Variants in XKR6 observed in about 807,000 individuals in gnomAD.
XKR6 encodes XK-related protein 6.
XKR6 carries 22 observed loss-of-function variants against 56.7 expected under a neutral mutation model. That is an observed-to-expected ratio of 0.39 (90% CI 0.28 to 0.55). The LOEUF is 0.55. Ranked by LOEUF, XKR6 falls within the 20% of genes least tolerant of loss-of-function variation. XKR6 has a pLI of 0.66. For synonymous variants in XKR6, 524 were observed against 387.8 expected, an observed-to-expected ratio of 1.35 and a Z score of -4.13; for missense variants, 852 against 889.0, an observed-to-expected ratio of 0.96 and a Z score of 0.53.
chr8:11,110,215 A>C (rs963352693), intron 1 of XKR6, among the ~76,000 whole-genome samples: 1 of 152,134 alleles, frequency 6.6e-6, no homozygotes, highest in East Asian at 1.9e-4. Flanking sequence ...TCAAGTGCTC[A>C]GCCCACCTTG....
intron 1 of XKR6, among the ~76,000 whole-genome samples, chr8:10,960,806 G>C (rs886473803): frequency 6.6e-6 from 1 of 152,198 alleles, no homozygotes; most frequent in Non-Finnish European, 1.5e-5. Flanking sequence ...CACACACAGC[G>C]TAAGGGCCTG....
intron 1 of XKR6, among the ~76,000 whole-genome samples, chr8:11,028,510 C>A (rs1314581020): frequency 6.6e-6 from 1 of 152,152 alleles, no homozygotes; most frequent in Non-Finnish European, 1.5e-5. Flanking sequence ...TAGTTTTGTA[C>A]AAAACCACCA....
At chr8:10,903,425 G>A (rs1286534230) in intron 2 of XKR6, among the ~76,000 whole-genome samples, 3 of 152,090 alleles carry the variant, frequency 2.0e-5, no homozygotes, top group East Asian at 1.9e-4. Context: ...TGGTTGTCCC[G>A]GAGAACTTGG....
chr8:11,094,683 A>C lies in XKR6; in HGVS notation c.764+105893T>G, dbSNP rs1461028119. Among the ~76,000 whole-genome samples, 3 of 152,130 alleles carry C rather than the reference A, an allele frequency of 2.0e-5. No homozygotes were observed. The East Asian group carries it at 5.8e-4, about 29-fold the overall frequency. On this transcript the variant is annotated intron_variant, in intron 1 of 2. Coordinates refer to ENST00000416569, the MANE Select transcript of XKR6 (RefSeq NM_173683.4). ...GAGTGGTTACTAGCAGCCAGACACT[A>C]GGCAGATGACCACACCTATCATCCT...
At chr8:11,119,714 T>C (rs1367183668) in intron 1 of XKR6, among the ~76,000 whole-genome samples, 1 of 152,120 alleles carries the variant, frequency 6.6e-6, no homozygotes, top group African/African-American at 2.4e-5. Context: ...GCACGTGAGA[T>C]GGGTTTCCTG....
At chr8:11,081,770 G>C (rs1797730384) in intron 1 of XKR6, among the ~76,000 whole-genome samples, 1 of 152,198 alleles carries the variant, frequency 6.6e-6, no homozygotes, top group Admixed American at 6.5e-5. Flanking sequence ...ATGGGCACTA[G>C]TCAGTCAGAG....
intron 1 of XKR6, among the ~76,000 whole-genome samples, chr8:11,054,405 G>C (rs956995050): frequency 4.6e-5 from 7 of 152,220 alleles, no homozygotes; most frequent in African/African-American, 1.7e-4. Context: ...ATCTGTCCAT[G>C]TACCGGTGTT....
chr8:11,174,608 C>G (rs1473128495), intron 1 of XKR6, among the ~76,000 whole-genome samples: 1 of 152,200 alleles, frequency 6.6e-6, no homozygotes, highest in African/African-American at 2.4e-5. Context: ...ACATTCTGTT[C>G]TTTCCTGTGA....
chr8:11,004,625 C>A (rs10903336), intron 1 of XKR6, among the ~76,000 whole-genome samples: 2,054 of 152,290 alleles, frequency 0.013, 48 homozygotes, highest in African/African-American at 0.046. Flanking sequence ...TGTTGCTCAT[C>A]CACAGTGGAA....
intron 1 of XKR6, among the ~76,000 whole-genome samples, chr8:10,955,940 G>T (rs1167060489): frequency 2.0e-5 from 3 of 152,210 alleles, no homozygotes; most frequent in Non-Finnish European, 4.4e-5. Context: ...GTTGCCCTGG[G>T]CTTCAGGGCC....
intron 1 of XKR6, among the ~76,000 whole-genome samples, chr8:11,152,557 C>T (rs1412733886): frequency 6.6e-6 from 1 of 152,146 alleles, no homozygotes; most frequent in Non-Finnish European, 1.5e-5. Context: ...GATGTCTTGC[C>T]CCTGAAGAAC....
chr8:11,015,071 A>C (rs1798587262), intron 1 of XKR6, among the ~76,000 whole-genome samples: 1 of 152,176 alleles, frequency 6.6e-6, no homozygotes, highest in Non-Finnish European at 1.5e-5. Context: ...GAACAGACAA[A>C]ACTCATCTAC....
chr8:11,121,341 GA>G (rs1177314806), intron 1 of XKR6, among the ~76,000 whole-genome samples: 11 of 151,922 alleles, frequency 7.2e-5, no homozygotes, highest in African/African-American at 2.4e-4. Context: ...AAATTTACAA[GA>G]AAAAAACAAA....
chr8:11,106,244 G>GA (rs1798671785), intron 1 of XKR6: 2 of 152,162 alleles, frequency 1.3e-5, no homozygotes, highest in African/African-American at 4.8e-5. Flanking sequence ...ATTTTTTGAT[G>GA]AATCTTGCTT....
intron 1 of XKR6, among the ~76,000 whole-genome samples, chr8:11,042,523 C>A (rs1313493574): frequency 6.6e-6 from 1 of 152,196 alleles, no homozygotes; most frequent in African/African-American, 2.4e-5. Flanking sequence ...TCCTTCTTTG[C>A]CTTCTGCCAT....
chr8:11,113,932 G>C (rs1051369461), intron 1 of XKR6: 3 of 297,734 alleles, frequency 1.0e-5, no homozygotes, highest in Non-Finnish European at 1.3e-5. Context: ...GGGCAGCACA[G>C]ACACGGAAAC....
intron 2 of XKR6, among the ~76,000 whole-genome samples, chr8:10,904,219 C>T (rs1268731608): frequency 1.3e-5 from 2 of 152,180 alleles, no homozygotes; most frequent in Non-Finnish European, 1.5e-5. Context: ...TGGCAGCATG[C>T]CCACTGCGCT....
At chr8:11,198,940 A>C (rs905741097) in intron 1 of XKR6, among the ~76,000 whole-genome samples, 3 of 151,902 alleles carry the variant, frequency 2.0e-5, no homozygotes, top group Non-Finnish European at 2.9e-5. Flanking sequence ...AGGTATCTCC[A>C]ATACCAAACA....
At chr8:11,000,723 T>C (rs1474615190) in intron 1 of XKR6, among the ~76,000 whole-genome samples, 2 of 152,058 alleles carry the variant, frequency 1.3e-5, no homozygotes, top group Non-Finnish European at 2.9e-5. Flanking sequence ...ATATTACATG[T>C]TTTGGGGTCT....
Sources: gnomAD v4.1 joint callset for allele counts (sites outside exome capture counted in the v4.1 genomes callset) on GRCh38, gnomAD v4.1.1 for gene constraint, MANE v1.5 for transcripts, NCBI Gene and HGNC (gene_info 2026-07-23, HGNC 2026-07-21) for gene names.